ZFYVE9: variants seen among roughly 807,000 people sequenced by gnomAD.
ZFYVE9 encodes zinc finger FYVE-type containing 9.
ZFYVE9 carries 43 observed loss-of-function variants against 126.7 expected under a neutral mutation model. The ratio of observed to expected loss-of-function variants is 0.34; its 90% CI spans 0.27 to 0.44. The LOEUF (loss-of-function observed/expected upper bound fraction) is 0.44, where lower values mean the gene tolerates loss of function less well. Ranked by LOEUF, ZFYVE9 falls within the 20% of genes least tolerant of loss-of-function variation. ZFYVE9 has a pLI of 1.00. For synonymous variants in ZFYVE9, 521 were observed against 597.4 expected (o/e 0.87, Z 1.87); for missense variants, 1,476 against 1,697.0 (o/e 0.87, Z 2.29).
intron 7 of ZFYVE9, among the ~76,000 whole-genome samples, chr1:52,270,502 G>C (rs1032982614): frequency 6.6e-6 from 1 of 152,158 alleles, no homozygotes; most frequent in Non-Finnish European, 1.5e-5. Flanking sequence ...CTGACCTCCT[G>C]ATCTGCCCTC....
intron 13 of ZFYVE9, 128 bp downstream of exon 13, chr1:52,304,053 T>C: frequency 5.8e-6 from 3 of 516,064 alleles, no homozygotes; most frequent in Non-Finnish European, 6.2e-6. Flanking sequence ...ATTGTATGGC[T>C]TAGTTCAATT....
intron 4 of ZFYVE9, among the ~76,000 whole-genome samples, chr1:52,251,059 GT>G: frequency 1.0e-5 from 1 of 98,450 alleles, no homozygotes; most frequent in African/African-American, 3.7e-5. Context: ...TGTTGTTGTT[GT>G]TGTTTGTTTG....
At chr1:52,217,832 C>G (rs1322815907) in intron 2 of ZFYVE9, among the ~76,000 whole-genome samples, 2 of 152,200 alleles carry the variant, frequency 1.3e-5, no homozygotes, top group Non-Finnish European at 2.9e-5. Context: ...GGACCGTGAT[C>G]ATGACATAGA....
In ZFYVE9 at chr1:52,238,491, T is replaced by A; in HGVS notation, c.1074T>A (p.Cys358Ter). 6.2e-7 allele frequency: 1 copy of A among 1,614,122 alleles called. No individual in the cohort carries two copies. Among genetic ancestry groups the A allele is most frequent in the Non-Finnish European group, 8.5e-7 (1 of 1,179,974 alleles). ...GAAGGAATAATGACTGTGAACGGTG[T>A]TCAGATTGCCTTGTGCCTAATGAAG... ...GSGRNNDCERCSDCLVPNEVR... is the reference protein window; with the variant it reads ...GSGRNNDCER The change falls in exon 4 of 19, where the codon TGT becomes TGA. Residue 358 changes from cysteine to a stop codon, truncating the protein, a stop_gained. Coordinates refer to ENST00000287727, the MANE Select transcript of ZFYVE9 (RefSeq NM_004799.4). LOFTEE classifies it high-confidence loss of function.
chr1:52,182,092 G>A (rs1572081172), intron 1 of ZFYVE9, among the ~76,000 whole-genome samples: 1 of 151,364 alleles, frequency 6.6e-6, no homozygotes, highest in Non-Finnish European at 1.5e-5. Flanking sequence ...TCCGGAGGGA[G>A]GTGGGGGGGT....
intron 1 of ZFYVE9, among the ~76,000 whole-genome samples, chr1:52,187,083 G>A (rs1315747017): frequency 6.6e-6 from 1 of 152,084 alleles, no homozygotes; most frequent in Non-Finnish European, 1.5e-5. Flanking sequence ...CAGTGCTACA[G>A]TAACCAAAAC....
rs747063497 is a variant in ZFYVE9, at chr1:52,149,967, C to T, written c.-143+7564C>T. 12 of 152,228 alleles carry T rather than the reference C, an allele frequency of 7.9e-5. No individual in the cohort carries two copies. The South Asian group carries it at 8.3e-4, about 11-fold the overall frequency. 9.4% of individuals were successfully genotyped at this position (152,228 alleles called of 1,614,324 possible). ...GCAATATAGTTTGGTTCTTTTCTAACCTTTCATGATTAAAGTTTGCTGTTT... is the reference window on the plus strand; with the variant it reads ...GCAATATAGTTTGGTTCTTTTCTAATCTTTCATGATTAAAGTTTGCTGTTT... On this transcript the variant is annotated intron_variant, in intron 1 of 18. Transcript: ENST00000287727.
intron 1 of ZFYVE9, among the ~76,000 whole-genome samples, chr1:52,183,629 A>T (rs1052911629): frequency 2.0e-5 from 3 of 151,844 alleles, no homozygotes; most frequent in Non-Finnish European, 4.4e-5. Context: ...CAGCCTTCCG[A>T]GTATCTGGGA....
At chr1:52,174,117 T>C (rs1415494565) in intron 1 of ZFYVE9, among the ~76,000 whole-genome samples, 2 of 152,232 alleles carry the variant, frequency 1.3e-5, no homozygotes, top group Non-Finnish European at 2.9e-5. Flanking sequence ...TTTGGATCTT[T>C]CCTGCTTTGT....
At chr1:52,250,563 AC>A (rs1645434318) in intron 4 of ZFYVE9, among the ~76,000 whole-genome samples, 1 of 152,192 alleles carries the variant, frequency 6.6e-6, no homozygotes, top group Non-Finnish European at 1.5e-5. Flanking sequence ...TTGTCAGTAT[AC>A]AGAGATAATT....
chr1:52,147,801 A>G (rs1228549675), intron 1 of ZFYVE9, among the ~76,000 whole-genome samples: 1 of 152,202 alleles, frequency 6.6e-6, no homozygotes, highest in African/African-American at 2.4e-5. Context: ...GTTTTTACAA[A>G]GTAGCTGCAC....
At chr1:52,236,351 C>T (rs1274050355) in intron 3 of ZFYVE9, among the ~76,000 whole-genome samples, 1 of 152,118 alleles carries the variant, frequency 6.6e-6, no homozygotes, top group Non-Finnish European at 1.5e-5. Context: ...GGTAGATAAA[C>T]TATTGCATTT....
At chr1:52,154,476 G>T (rs950801260) in intron 1 of ZFYVE9, among the ~76,000 whole-genome samples, 2 of 152,160 alleles carry the variant, frequency 1.3e-5, no homozygotes, top group African/African-American at 2.4e-5. Context: ...CCACTTCTGG[G>T]TGACCGATGT....
chr1:52,205,262 A>G (rs1344266059), intron 1 of ZFYVE9, among the ~76,000 whole-genome samples: 1 of 151,502 alleles, frequency 6.6e-6, no homozygotes, highest in African/African-American at 2.4e-5. Flanking sequence ...TTTTGTAGCG[A>G]TAGGGTTTTG....
chr1:52,180,327 A>G (rs979878324), intron 1 of ZFYVE9: 6 of 1,576,228 alleles, frequency 3.8e-6, no homozygotes, highest in Non-Finnish European at 4.3e-6. Context: ...GAATCTGCCC[A>G]TGATATTTGT....
intron 1 of ZFYVE9, among the ~76,000 whole-genome samples, chr1:52,167,399 G>C (rs1644523638): frequency 6.6e-6 from 1 of 152,206 alleles, no homozygotes; most frequent in African/African-American, 2.4e-5. Flanking sequence ...GACGAAGCCA[G>C]TGATTTGGCC....
intron 13 of ZFYVE9, among the ~76,000 whole-genome samples, chr1:52,317,558 C>T (rs2147855688): frequency 6.6e-6 from 1 of 150,690 alleles, no homozygotes; most frequent in East Asian, 1.9e-4. Flanking sequence ...AATTAGACAA[C>T]AAAGAGTAAA....
Position 52,337,887 on chromosome 1 carries a change from G to C in ZFYVE9, c.3786G>C (p.Glu1262Asp), listed in dbSNP as rs1234331136. ...AGGCGGACGCGGAGGAACCCCAGGA[G>C]CACATCCACATCCAGTGGGTGGATG... ...CGKADAEEPQ[E>D]HIHIQWVDDD... The change falls in exon 16 of 19, where the codon GAG becomes GAC. Residue 1262 changes from glutamate to aspartate, a missense_variant. By Grantham distance (45) the Glu-to-Asp change is conservative. Around this residue, in one of 2 missense-constraint regions of ZFYVE9, gnomAD observed 669 missense variants for 902.4 expected, o/e 0.74. Transcript: ENST00000287727. The C allele has an allele frequency of 1.9e-6, 3 of 1,614,120 alleles. No individual in the cohort carries two copies. Among genetic ancestry groups the C allele is most frequent in the Non-Finnish European group, 2.5e-6 (3 of 1,180,052 alleles).
intron 4 of ZFYVE9, 71 bp downstream of exon 4, chr1:52,239,666 G>T: frequency 6.7e-7 from 1 of 1,496,714 alleles, no homozygotes; most frequent in African/African-American, 1.4e-5. Context: ...AGTAATAAAG[G>T]CAATGTAAGG....
Sources: allele counts gnomAD v4.1 joint callset (sites outside exome capture counted in the v4.1 genomes callset), GRCh38; gene constraint gnomAD v4.1.1; regional missense constraint gnomAD v4.1.1; transcripts MANE v1.5; gene names NCBI Gene and HGNC (gene_info 2026-07-23, HGNC 2026-07-21).